Variants in PPP3CA observed in about 807,000 individuals in gnomAD.
The protein encoded by PPP3CA is protein phosphatase 3 catalytic subunit alpha.
In PPP3CA, 14 loss-of-function variants were observed where a neutral mutation model predicts 66.5. The ratio of observed to expected loss-of-function variants is 0.21; its 90% CI spans 0.14 to 0.33. The LOEUF is 0.33. PPP3CA is among the 10% of genes least tolerant of loss of function. The pLI is 1.00. For synonymous variants in PPP3CA, 232 were observed against 226.2 expected, an observed-to-expected ratio of 1.03 and a Z score of -0.23; for missense variants, 317 against 639.5, an observed-to-expected ratio of 0.50 and a Z score of 5.44.
At chr4:101,060,261 G>A (rs975440129) in intron 10 of PPP3CA, among the ~76,000 whole-genome samples, 1 of 151,948 alleles carries the variant, frequency 6.6e-6, no homozygotes, top group African/African-American at 2.4e-5. Context: ...CTAATTTTTT[G>A]TAGAGATGAA....
chr4:101,327,585 AC>A (rs1729246408), intron 1 of PPP3CA, among the ~76,000 whole-genome samples: 1 of 151,988 alleles, frequency 6.6e-6, no homozygotes, highest in African/African-American at 2.4e-5. Context: ...ATGTTTAATC[AC>A]TGGTTATTTT....
At chr4:101,220,308 T>TTTA (rs1553933770) in intron 1 of PPP3CA, among the ~76,000 whole-genome samples, 3 of 151,224 alleles carry the variant, frequency 2.0e-5, no homozygotes, top group African/African-American at 7.3e-5. Flanking sequence ...CGTTTTTTTT[T>TTTA]TTATTTGTTT....
At position 101,095,104 on chromosome 4, in the gene PPP3CA, A is replaced by G. The variant is rs564459534; in HGVS notation, c.643-1189T>C. ...AATACCCAATGAAAAACTTCAATAA[A>G]ACAAGACTACATTTCAACCATTATG... On this transcript the variant is annotated intron_variant, in intron 5 of 13. Transcript: ENST00000394854. Among the ~76,000 whole-genome samples the G allele has an allele frequency of 3.9e-5, 6 of 152,292 alleles. No homozygotes were observed. In the East Asian group the frequency reaches 1.2e-3, roughly 29 times the overall value.
rs751332413 is a variant in PPP3CA at position 101,162,564 on chromosome 4, TAAATAAAG to T, written c.259+33344_259+33351del. Among the ~76,000 whole-genome samples, 465 of 78,544 alleles carry T rather than the reference TAAATAAAG, an allele frequency of 5.9e-3. 3 individuals are homozygous for T. The highest frequency in any genetic ancestry group is 0.015 in the African/African-American group (193 of 13,140). The allele number at this position is 78,544 out of a possible 152,430, so 51.5% of individuals were successfully genotyped here. On this transcript the variant is annotated intron_variant, in intron 2 of 13. Transcript: ENST00000394854. ...ATAAATAAATAAATAAATAAATAAATAAATAAAGGGAAATGTATCAGGTATAGAACTGA... is the reference window on the plus strand; with the variant it reads ...ATAAATAAATAAATAAATAAATAAATGGAAATGTATCAGGTATAGAACTGA...
intron 8 of PPP3CA, among the ~76,000 whole-genome samples, chr4:101,065,637 C>T (rs940601157): frequency 7.2e-5 from 11 of 152,110 alleles, no homozygotes; most frequent in African/African-American, 2.7e-4. Context: ...TTAAACTCAG[C>T]TTTTTCTGAC....
At chr4:101,250,586 A>G (rs539837647) in intron 1 of PPP3CA, among the ~76,000 whole-genome samples, 1 of 152,278 alleles carries the variant, frequency 6.6e-6, no homozygotes, top group South Asian at 2.1e-4. Context: ...GATTCAAAAT[A>G]CATATTTTTC....
At position 101,182,619 on chromosome 4, in the gene PPP3CA, C is replaced by G. The variant is rs555083908; in HGVS notation, c.259+13297G>C. Among the ~76,000 whole-genome samples, 4 of 152,178 alleles carry G rather than the reference C, an allele frequency of 2.6e-5. No homozygotes were observed. The East Asian group carries it at 7.7e-4, about 29-fold the overall frequency. On this transcript the variant is annotated intron_variant, in intron 2 of 13. Transcript: ENST00000394854. ...TCTCTCTGGAAAAGAACAGGGTTTG[C>G]GGCAGGGACTGATGGTAGCTATGGT...
chr4:101,322,630 G>A (rs1485813189), intron 1 of PPP3CA, among the ~76,000 whole-genome samples: 3 of 151,922 alleles, frequency 2.0e-5, no homozygotes, highest in Non-Finnish European at 4.4e-5. Flanking sequence ...GGCTGGTCTC[G>A]AACTCCTGAC....
chr4:101,243,091 T>C (rs1339301247), intron 1 of PPP3CA, among the ~76,000 whole-genome samples: 1 of 152,190 alleles, frequency 6.6e-6, no homozygotes, highest in East Asian at 1.9e-4. Context: ...GGAAAACATG[T>C]AGGACAAAAC....
intron 1 of PPP3CA, among the ~76,000 whole-genome samples, chr4:101,215,074 A>AT (rs914633702): frequency 1.3e-5 from 2 of 151,984 alleles, no homozygotes; most frequent in African/African-American, 4.8e-5. Context: ...CTTTCCTGAG[A>AT]TTTTGTCTGG....
intron 6 of PPP3CA, among the ~76,000 whole-genome samples, chr4:101,089,667 AT>A (rs1376431033): frequency 3.9e-5 from 6 of 152,214 alleles, no homozygotes; most frequent in Non-Finnish European, 7.3e-5. Context: ...TCTACATGAA[AT>A]GAAAATTTGT....
At chr4:101,166,273 T>C (rs1252956086) in intron 2 of PPP3CA, among the ~76,000 whole-genome samples, 1 of 152,166 alleles carries the variant, frequency 6.6e-6, no homozygotes, top group Non-Finnish European at 1.5e-5. Context: ...TTTTCTGAGG[T>C]ACACAATTCT....
intron 1 of PPP3CA, among the ~76,000 whole-genome samples, chr4:101,265,971 G>T (rs1446444342): frequency 6.6e-6 from 1 of 152,098 alleles, no homozygotes; most frequent in Non-Finnish European, 1.5e-5. Flanking sequence ...CATACAGAGG[G>T]ATTATGGAAT....
chr4:101,280,340 A>G (rs796967462), intron 1 of PPP3CA, among the ~76,000 whole-genome samples: 9 of 152,204 alleles, frequency 5.9e-5, no homozygotes, highest in Non-Finnish European at 1.2e-4. Flanking sequence ...AAAGGCCTTG[A>G]GCTGTGAATC....
intron 10 of PPP3CA, among the ~76,000 whole-genome samples, chr4:101,045,755 T>C (rs1159619850): frequency 6.6e-6 from 1 of 152,192 alleles, no homozygotes; most frequent in African/African-American, 2.4e-5. Context: ...GATATTAGCA[T>C]GTATGCAACA....
intron 2 of PPP3CA, among the ~76,000 whole-genome samples, chr4:101,116,525 T>C (rs1031396641): frequency 6.6e-6 from 1 of 151,876 alleles, no homozygotes; most frequent in Non-Finnish European, 1.5e-5. Context: ...CAAGTATATA[T>C]CTGCTTCCTC....
intron 1 of PPP3CA, among the ~76,000 whole-genome samples, chr4:101,323,849 C>T (rs892581826): frequency 7.2e-5 from 11 of 152,128 alleles, no homozygotes; most frequent in African/African-American, 2.2e-4. Context: ...CATGGTGGCT[C>T]ATGCCTCCCA....
chr4:101,153,176 A>ACC (rs1392588702), intron 2 of PPP3CA, among the ~76,000 whole-genome samples: 1 of 152,202 alleles, frequency 6.6e-6, no homozygotes, highest in Admixed American at 6.5e-5. Flanking sequence ...AAGAGATGCT[A>ACC]TTAAAGGGTT....
chr4:101,045,831 T>C (rs191075608), intron 10 of PPP3CA, among the ~76,000 whole-genome samples: 234 of 152,304 alleles, frequency 1.5e-3, no homozygotes, highest in Non-Finnish European at 2.7e-3. Context: ...GCTGAATGAG[T>C]AGAGACAGAC....
Sources: allele counts gnomAD v4.1 joint callset (sites outside exome capture counted in the v4.1 genomes callset), GRCh38; gene constraint gnomAD v4.1.1; transcripts MANE v1.5; gene names NCBI Gene and HGNC (gene_info 2026-07-23, HGNC 2026-07-21).